Variants in EYA3 observed in about 807,000 individuals in gnomAD.
EYA3 encodes the protein protein phosphatase EYA3.
A neutral mutation model predicts 80.0 loss-of-function variants in EYA3; 39 were observed. That is an observed-to-expected ratio of 0.49 (90% CI 0.38 to 0.64). EYA3 has a LOEUF of 0.64. EYA3 is among the 30% of genes least tolerant of loss of function. The pLI is 0.00. For synonymous variants in EYA3, 206 were observed against 232.8 expected (o/e 0.88, Z 1.05); for missense variants, 523 against 676.1 (o/e 0.77, Z 2.51).
chr1:27,990,458 T>C (rs1438415054), intron 14 of EYA3: 2 of 152,186 alleles, frequency 1.3e-5, no homozygotes, highest in Non-Finnish European at 2.9e-5. Context: ...TGTTTCTCCT[T>C]GAACATCTCC....
intron 2 of EYA3, among the ~76,000 whole-genome samples, chr1:28,055,467 T>TTC (rs1442358903): frequency 3.5e-5 from 5 of 144,194 alleles, no homozygotes; most frequent in African/African-American, 1.3e-4. Context: ...AAAATCTTTT[T>TTC]TTTTTTTTTT....
At chr1:28,076,892 C>A (rs1341730470) in intron 1 of EYA3, among the ~76,000 whole-genome samples, 1 of 144,932 alleles carries the variant, frequency 6.9e-6, no homozygotes, top group African/African-American at 2.6e-5. Context: ...AGGCATGCGC[C>A]ACCACGCCTG....
chr1:27,974,985 G>A (rs1379042497), intron 17 of EYA3, among the ~76,000 whole-genome samples: 1 of 152,092 alleles, frequency 6.6e-6, no homozygotes, highest in Non-Finnish European at 1.5e-5. Flanking sequence ...AAATGGCCCA[G>A]GTGAAAAATT....
At chr1:27,992,271 TG>T (rs924113806) in intron 14 of EYA3, among the ~76,000 whole-genome samples, 5 of 151,414 alleles carry the variant, frequency 3.3e-5, no homozygotes, top group African/African-American at 7.4e-5. Flanking sequence ...TGGACCTGGG[TG>T]GGGGGCGAGA....
chr1:28,079,990 T>C (rs1645363265), intron 1 of EYA3, among the ~76,000 whole-genome samples: 1 of 152,104 alleles, frequency 6.6e-6, no homozygotes, highest in Non-Finnish European at 1.5e-5. Context: ...TAGCAGTCAC[T>C]AAAATTTTGC....
intron 9 of EYA3, among the ~76,000 whole-genome samples, 168 bp from the exon 10 acceptor site, chr1:28,011,254 C>T (rs1158673744): frequency 1.3e-5 from 2 of 152,172 alleles, no homozygotes; most frequent in East Asian, 3.9e-4. Context: ...AGGCATTGAG[C>T]ATCAGCACTG....
At chr1:28,063,023 A>G (rs1294132825) in intron 1 of EYA3, among the ~76,000 whole-genome samples, 1 of 151,576 alleles carries the variant, frequency 6.6e-6, no homozygotes. Flanking sequence ...AAAAAAAAAA[A>G]AAGCACAGAA....
intron 6 of EYA3, among the ~76,000 whole-genome samples, chr1:28,031,487 G>A (rs985487980): frequency 1.3e-5 from 2 of 152,204 alleles, no homozygotes; most frequent in African/African-American, 2.4e-5. Context: ...GGGTAAGTAA[G>A]TCTGTCTCTG....
At chr1:28,073,296 C>A (rs1351363940) in intron 1 of EYA3, among the ~76,000 whole-genome samples, 3 of 139,646 alleles carry the variant, frequency 2.1e-5, no homozygotes, top group Non-Finnish European at 4.6e-5. Flanking sequence ...CCACACCCAG[C>A]TAATTTTTTT....
intron 1 of EYA3, 132 bp from the exon 2 acceptor site, chr1:28,058,226 C>G (rs1363512509): frequency 2.4e-6 from 1 of 418,728 alleles, no homozygotes; most frequent in Non-Finnish European, 4.3e-6. Context: ...AAATCTCAAA[C>G]CTGCACGTGG....
chr1:27,979,396 A>C (rs1639157922), intron 16 of EYA3, among the ~76,000 whole-genome samples: 1 of 152,164 alleles, frequency 6.6e-6, no homozygotes, highest in Non-Finnish European at 1.5e-5. Context: ...CATATCTGGA[A>C]CCTCCTTACT....
intron 1 of EYA3, among the ~76,000 whole-genome samples, chr1:28,076,605 T>C (rs1310425709): frequency 3.4e-5 from 5 of 146,466 alleles, no homozygotes; most frequent in South Asian, 4.3e-4. Context: ...CAGGTGGAGG[T>C]TGCAGTGAGC....
At chr1:28,050,796 G>T (rs1644218969) in intron 2 of EYA3, among the ~76,000 whole-genome samples, 1 of 152,124 alleles carries the variant, frequency 6.6e-6, no homozygotes, top group Non-Finnish European at 1.5e-5. Flanking sequence ...GTAGAGGCAG[G>T]TAAATTAACT....
chr1:27,980,242 TA>T (rs1401079524), intron 16 of EYA3, among the ~76,000 whole-genome samples: 2 of 152,238 alleles, frequency 1.3e-5, no homozygotes, highest in African/African-American at 4.8e-5. Context: ...CAACTAATAA[TA>T]AATTCTTATT....
At chr1:27,974,627 C>T in intron 17 of EYA3, 81 bp from the exon 18 acceptor site, 1 of 1,143,368 alleles carries the variant, frequency 8.7e-7, no homozygotes, top group Non-Finnish European at 1.3e-6. Flanking sequence ...CTTTCCTCAA[C>T]ACACCTCTCC....
intron 14 of EYA3, among the ~76,000 whole-genome samples, 159 bp downstream of exon 14, chr1:27,993,241 G>A (rs1047471605): frequency 6.6e-6 from 1 of 151,962 alleles, no homozygotes; most frequent in African/African-American, 2.4e-5. Context: ...CCTCCCAAAA[G>A]GTTTCAACCA....
intron 4 of EYA3, among the ~76,000 whole-genome samples, chr1:28,040,474 G>A (rs1468591439): frequency 6.6e-6 from 1 of 152,124 alleles, no homozygotes; most frequent in East Asian, 1.9e-4. Flanking sequence ...TATCAATATG[G>A]AATTCATTAA....
chr1:28,030,704 G>A (rs1456206455), intron 6 of EYA3, among the ~76,000 whole-genome samples: 1 of 152,192 alleles, frequency 6.6e-6, no homozygotes, highest in Admixed American at 6.5e-5. Context: ...GCATGAATTA[G>A]AAGCGTTTGC....
intron 12 of EYA3, among the ~76,000 whole-genome samples, chr1:27,997,724 T>C (rs1417740634): frequency 6.6e-6 from 1 of 152,220 alleles, no homozygotes; most frequent in Non-Finnish European, 1.5e-5. Flanking sequence ...GCAGGTCTCT[T>C]GGGGCAGGAG....
Sources: gnomAD v4.1 joint callset for allele counts (sites outside exome capture counted in the v4.1 genomes callset) on GRCh38, gnomAD v4.1.1 for gene constraint, MANE v1.5 for transcripts, NCBI Gene and HGNC (gene_info 2026-07-23, HGNC 2026-07-21) for gene names.